Variants in IL2RG observed in about 807,000 individuals in gnomAD.
IL2RG encodes the protein interleukin 2 receptor subunit gamma.
For missense variants in IL2RG, 205 were observed against 272.9 expected, an observed-to-expected ratio of 0.75 and a Z score of 1.75; for synonymous variants, 111 against 108.5, an observed-to-expected ratio of 1.02 and a Z score of -0.15.
In IL2RG at chrX:71,108,631, G is replaced by A. The variant is rs768058067; in HGVS notation, c.822C>T (p.Ile274=). The stretch of plus-strand genomic sequence containing the variant: ...GCCAGAAATACACACAGAGAAGGCT[G>A]ATAATCAATCCCATGGAGCCAACAG... ...VISVGSMGLI[I]SLLCVYFWLE... The change falls in exon 6 of 8, where the codon ATC becomes ATT. Residue 274 remains isoleucine, a synonymous_variant. Transcript: ENST00000374202. 9.2e-6 allele frequency: 11 copies of A among 1,194,903 alleles called. No individual in the cohort carries two copies. Among genetic ancestry groups the A allele is most frequent in the Non-Finnish European group, 9.0e-6 (8 of 885,695 alleles).
intron 1 of IL2RG, 26 bp from the exon 2 acceptor site, chrX:71,111,076 G>A (rs1390282050): frequency 1.7e-6 from 2 of 1,165,993 alleles, no homozygotes; most frequent in Admixed American, 2.4e-5. Context: ...AATGAAGGCA[G>A]GGAGGGAAAG....
chrX:71,110,768 C>T, intron 2 of IL2RG, 80 bp from the exon 3 acceptor site: 1 of 1,082,591 alleles, frequency 9.2e-7, no homozygotes, highest in Non-Finnish European at 1.3e-6. Context: ...AGCCTCATCT[C>T]CCCTCAACCG....
intron 5 of IL2RG, 82 bp from the exon 6 acceptor site, chrX:71,108,777 C>T (rs896134933): frequency 5.0e-6 from 3 of 602,793 alleles, no homozygotes; most frequent in Non-Finnish European, 8.2e-6. Flanking sequence ...AGGCACCGCG[C>T]TAAAGACATA....
chrX:71,108,366 G>A lies in IL2RG; in HGVS notation c.855-20C>T, dbSNP rs777709574. 1.5e-5 allele frequency: 16 copies of A among 1,091,444 alleles called. No homozygotes were observed. The highest frequency in any genetic ancestry group is 1.8e-5 in the African/African-American group (1 of 54,953). The allele number at this position is 1,091,444 out of a possible 1,213,427, so 89.9% of individuals were successfully genotyped here. On this transcript the variant is annotated intron_variant, in intron 6 of 7. Transcript: ENST00000374202. ...ATCGTCCTGACAGGGGAGAAAGAGGGAGCAGGAGCACATAGGTTAAAGCTT... is the reference window on the plus strand; with the variant it reads ...ATCGTCCTGACAGGGGAGAAAGAGGAAGCAGGAGCACATAGGTTAAAGCTT...
At position 71,108,269 on chromosome X, in the gene IL2RG, G is replaced by T. The variant is rs776065933; in HGVS notation, c.924+8C>A. On this transcript the variant is annotated splice_region_variant and intron_variant, in intron 7 of 7. Coordinates refer to ENST00000374202, the MANE Select transcript of IL2RG (RefSeq NM_000206.3). ...TAGACTGCAGCATGCTTATGACAGCGTTCTCACCGAAAAGTTCCCGTGGTA... is the reference window on the plus strand; with the variant it reads ...TAGACTGCAGCATGCTTATGACAGCTTTCTCACCGAAAAGTTCCCGTGGTA... 1 of 1,175,641 alleles carries T rather than the reference G, an allele frequency of 8.5e-7. No homozygotes were observed. The highest frequency in any genetic ancestry group is 2.2e-5 in the Admixed American group (1 of 45,949).
In IL2RG at chrX:71,110,496, C is replaced by T; in HGVS notation, c.454+8G>A. 1 of 1,209,010 alleles carries T rather than the reference C, an allele frequency of 8.3e-7. No individual in the cohort carries two copies. The highest frequency in any genetic ancestry group is 2.2e-5 in the Admixed American group (1 of 46,009). On this transcript the variant is annotated splice_region_variant and intron_variant, in intron 3 of 7. Coordinates refer to ENST00000374202, the MANE Select transcript of IL2RG (RefSeq NM_000206.3). Reference sequence around the variant, plus strand: ...CCCTGGTCTCTTGACCCTTTCTTTCCAAATTACCCAGATTCTGCAGTTTTA... The same window carrying T: ...CCCTGGTCTCTTGACCCTTTCTTTCTAAATTACCCAGATTCTGCAGTTTTA...
chrX:71,111,289 C>T (rs1462863279), intron 1 of IL2RG, 136 bp downstream of exon 1: 2 of 863,773 alleles, frequency 2.3e-6, no homozygotes, highest in Non-Finnish European at 3.2e-6. Flanking sequence ...AGGGAACCCT[C>T]CCCCTTGCCC....
In IL2RG at chrX:71,109,230, T is replaced by C; in HGVS notation, c.755A>G (p.Lys252Arg). ...TGGGTCATGTGGGCCCATTTTACCT[T>C]TTGAAGTATTGCTCCCCCAGTGGAT... Reference protein sequence around the residue: ...HPIHWGSNTSKENPFLFALEA... With the variant: ...HPIHWGSNTSRENPFLFALEA... The change falls in exon 5 of 8, where the codon AAA (lysine) becomes AGA (arginine). Residue 252 changes from lysine (K) to arginine (R), a missense_variant and splice_region_variant. Coordinates refer to ENST00000374202, the MANE Select transcript of IL2RG (RefSeq NM_000206.3). The C allele has an allele frequency of 8.3e-7, 1 of 1,210,602 alleles. No individual in the cohort carries two copies. Among genetic ancestry groups the C allele is most frequent in the African/African-American group, 1.7e-5 (1 of 57,655 alleles).
At chrX:71,110,358 A>T (rs1034305744) in intron 3 of IL2RG, 63 bp from the exon 4 acceptor site, 1 of 1,139,089 alleles carries the variant, frequency 8.8e-7, no homozygotes, top group African/African-American at 1.8e-5. Flanking sequence ...TCCTGAAGGT[A>T]GTGCCCCTAA....
Position 71,109,342 on chromosome X carries a change from C to T in IL2RG, c.643G>A (p.Gly215Arg). 8.3e-7 allele frequency: 1 copy of T among 1,210,437 alleles called. No individual in the cohort carries two copies. Among genetic ancestry groups the T allele is most frequent in the African/African-American group, 1.7e-5 (1 of 57,848 alleles). ...RHKFSLPSVD[G>R]QKRYTFRVRS... The stretch of plus-strand genomic sequence containing the variant: ...ACACGAAACGTGTAGCGTTTCTGCC[C>T]ATCCACACTAGGCAAGGAGAACTTA... Residue 215 changes from glycine to arginine, a missense_variant, in exon 5 of 8, where the codon GGG (glycine) becomes AGG (arginine). By Grantham distance (125) the Gly-to-Arg change is moderately radical. Transcript: ENST00000374202.
chrX:71,107,604 A>G lies in IL2RG; in HGVS notation c.*132T>C. The G allele has an allele frequency of 2.5e-6, 1 of 392,299 alleles. No individual in the cohort carries two copies. Among genetic ancestry groups the G allele is most frequent in the South Asian group, 9.5e-5 (1 of 10,518 alleles). 32.3% of individuals were successfully genotyped at this position (392,299 alleles called of 1,213,427 possible). A position where few individuals can be genotyped will look rare whatever the true frequency, so the allele number is the denominator to read the frequency against. The stretch of plus-strand genomic sequence containing the variant: ...GAATGCCAAATGAAGGGGTGCTTAC[A>G]TGGGGGCACAAAATTCCAAATCAGC... On this transcript the variant is annotated 3_prime_UTR_variant, in exon 8 of 8. Transcript: ENST00000374202.
chrX:71,109,553 T>C, intron 4 of IL2RG, among the ~76,000 whole-genome samples, 163 bp from the exon 5 acceptor site: 1 of 112,004 alleles, frequency 8.9e-6, no homozygotes, highest in East Asian at 2.8e-4. Flanking sequence ...TTGAATCTAA[T>C]GCCTCCCCTC....
chrX:71,111,399 G>A (rs1419465070), intron 1 of IL2RG, 26 bp downstream of exon 1: 1 of 1,208,833 alleles, frequency 8.3e-7, no homozygotes, highest in Admixed American at 2.2e-5. Flanking sequence ...CTTCTCACCA[G>A]CCCCCTCCAG....
In IL2RG at chrX:71,109,230, T is replaced by G; in HGVS notation, c.755A>C (p.Lys252Thr). 3 of 1,210,602 alleles carry G rather than the reference T, an allele frequency of 2.5e-6. No individual in the cohort carries two copies. The highest frequency in any genetic ancestry group is 3.4e-6 in the Non-Finnish European group (3 of 894,960). Residue 252 changes from lysine to threonine, a missense_variant and splice_region_variant, in exon 5 of 8, where the codon AAA (lysine) becomes ACA (threonine). Coordinates refer to ENST00000374202, the MANE Select transcript of IL2RG (RefSeq NM_000206.3). ...TGGGTCATGTGGGCCCATTTTACCTTTTGAAGTATTGCTCCCCCAGTGGAT... is the reference window on the plus strand; with the variant it reads ...TGGGTCATGTGGGCCCATTTTACCTGTTGAAGTATTGCTCCCCCAGTGGAT... The part of the protein sequence containing the change: ...HPIHWGSNTS[K>T]ENPFLFALEA...
intron 7 of IL2RG, 125 bp from the exon 8 acceptor site, chrX:71,108,046 G>T (rs1273057239): frequency 1.7e-5 from 10 of 582,458 alleles, no homozygotes; most frequent in Non-Finnish European, 2.8e-5. Context: ...GGATACACAG[G>T]CTCCTGGGCC....
rs10693207 is a variant in IL2RG, at chrX:71,111,250, C to CAAGA, written c.115+171_115+174dup. ...CAAAAGAAAGAAAGAAACAAACAAACAAGAAAGAAAGAAGAAGTAGCGTGA... is the reference window on the plus strand; with the variant it reads ...CAAAAGAAAGAAAGAAACAAACAAACAAGAAAGAAAGAAAGAAGAAGTAGCGTGA... On this transcript the variant is annotated intron_variant, in intron 1 of 7. Transcript: ENST00000374202. The CAAGA allele has an allele frequency of 0.25, 174,028 of 692,525 alleles. 19,851 individuals are homozygous for CAAGA. Among genetic ancestry groups the CAAGA allele is most frequent in the Middle Eastern group, 0.42 (862 of 2,042 alleles). The allele number at this position is 692,525 out of a possible 1,213,427, so 57.1% of individuals were successfully genotyped here.
rs2092252792 is a variant in IL2RG at position 71,107,455 on chromosome X, C to A, written c.*281G>T. ...TATTTCTCATCGGTTCAGGAACAAT[C>A]GGAGGGTAGATGGAAAGAGGAAGGG... On this transcript the variant is annotated 3_prime_UTR_variant, in exon 8 of 8. Transcript: ENST00000374202. The A allele has an allele frequency of 7.4e-6, 2 of 269,134 alleles. No homozygotes were observed. Among genetic ancestry groups the A allele is most frequent in the Non-Finnish European group, 1.3e-5 (2 of 151,807 alleles). 22.2% of individuals were successfully genotyped at this position (269,134 alleles called of 1,213,427 possible).
chrX:71,111,209 T>C (rs1465116211), intron 1 of IL2RG, 159 bp from the exon 2 acceptor site: 13 of 682,843 alleles, frequency 1.9e-5, no homozygotes, highest in South Asian at 9.9e-5. Context: ...CTAGGCAACA[T>C]AGTGAGACCC....
chrX:71,110,336 GA>G (rs766505134), intron 3 of IL2RG, 41 bp from the exon 4 acceptor site: 109 of 1,190,015 alleles, frequency 9.2e-5, no homozygotes, highest in Non-Finnish European at 1.2e-4. Flanking sequence ...CCCTGGCCTA[GA>G]CAAGTCAGGA....
Sources: allele counts gnomAD v4.1 joint callset (sites outside exome capture counted in the v4.1 genomes callset), GRCh38; gene constraint gnomAD v4.1.1; transcripts MANE v1.5; gene names NCBI Gene and HGNC (gene_info 2026-07-23, HGNC 2026-07-21).